NOS1AP: variants seen among roughly 807,000 people sequenced by gnomAD.
NOS1AP encodes nitric oxide synthase 1 adaptor protein, also known as carboxyl-terminal PDZ ligand of neuronal nitric oxide synthase protein.
NOS1AP carries 21 observed loss-of-function variants against 56.2 expected under a neutral mutation model. That is an observed-to-expected ratio of 0.37 (90% CI 0.26 to 0.54). NOS1AP has a LOEUF of 0.54. NOS1AP is among the 20% of genes least tolerant of loss of function. NOS1AP has a pLI of 0.84. For synonymous variants in NOS1AP, 270 were observed against 274.6 expected (o/e 0.98, Z 0.17); for missense variants, 522 against 657.8 (o/e 0.79, Z 2.26).
intron 5 of NOS1AP, among the ~76,000 whole-genome samples, chr1:162,341,252 A>G (rs1413093793): frequency 6.6e-6 from 1 of 152,222 alleles, no homozygotes; most frequent in Non-Finnish European, 1.5e-5. Flanking sequence ...AATTTGTAAC[A>G]CGTCCTCCTT....
At chr1:162,347,026 T>G (rs368918580) in intron 6 of NOS1AP, among the ~76,000 whole-genome samples, 4 of 152,324 alleles carry the variant, frequency 2.6e-5, no homozygotes, top group East Asian at 1.9e-4. Context: ...TTGGCGAATA[T>G]TTTATATATC....
Position 162,220,860 on chromosome 1 carries a change from C to T in NOS1AP, c.177+66384C>T, listed in dbSNP as rs372645516. Among the ~76,000 whole-genome samples, 40 of 152,248 alleles carry T rather than the reference C, an allele frequency of 2.6e-4. No individual in the cohort carries two copies. In the South Asian group the frequency reaches 7.1e-3, roughly 27 times the overall value. ...ATATGATCTACCATATAAATATGTT[C>T]ATTAGATGATGAGTCTTACTATCCA... On this transcript the variant is annotated intron_variant, in intron 2 of 9. Coordinates refer to ENST00000361897, the MANE Select transcript of NOS1AP (RefSeq NM_014697.3).
At chr1:162,110,445 C>T (rs138396975) in intron 1 of NOS1AP, among the ~76,000 whole-genome samples, 63 of 152,184 alleles carry the variant, frequency 4.1e-4, no homozygotes, top group Admixed American at 2.3e-3. Flanking sequence ...ACATGCACCA[C>T]GTTATTTGTT....
intron 1 of NOS1AP, among the ~76,000 whole-genome samples, chr1:162,102,047 C>G (rs1647296583): frequency 6.6e-6 from 1 of 152,096 alleles, no homozygotes; most frequent in Non-Finnish European, 1.5e-5. Flanking sequence ...ATGCTTCTAG[C>G]TTTTGCCATT....
At chr1:162,215,781 T>C (rs1052563864) in intron 2 of NOS1AP, among the ~76,000 whole-genome samples, 1 of 152,246 alleles carries the variant, frequency 6.6e-6, no homozygotes, top group Non-Finnish European at 1.5e-5. Context: ...GTTGTGATGA[T>C]GTCGAATTCT....
At chr1:162,107,712 G>T (rs947534967) in intron 1 of NOS1AP, among the ~76,000 whole-genome samples, 19 of 152,238 alleles carry the variant, frequency 1.2e-4, no homozygotes, top group Admixed American at 1.1e-3. Flanking sequence ...TGTGTATTGA[G>T]CTGGTTAGCA....
chr1:162,259,792 G>A (rs947997866), intron 2 of NOS1AP, among the ~76,000 whole-genome samples: 1 of 152,102 alleles, frequency 6.6e-6, no homozygotes, highest in African/African-American at 2.4e-5. Flanking sequence ...ATTTTAATCT[G>A]GCTTACATAA....
rs164152 is a variant in NOS1AP at position 162,369,313 on chromosome 1, C to T, written c.*1846C>T. The T allele has an allele frequency of 0.33, 50,238 of 152,060 alleles. 8,518 individuals carry two copies. Among genetic ancestry groups the T allele is most frequent in the Middle Eastern group, 0.44 (128 of 294 alleles). The allele number at this position is 152,060 out of a possible 1,614,324, so 9.4% of individuals were successfully genotyped here. On this transcript the variant is annotated 3_prime_UTR_variant, in exon 10 of 10. Transcript: ENST00000361897. ...TACAGTTACACAGAGAAGGAAGAAC[C>T]AGGAAAGTGAGATCCATGAAACTAA...
intron 3 of NOS1AP, among the ~76,000 whole-genome samples, chr1:162,289,209 T>TTTCCTTCC (rs752673036): frequency 3.0e-5 from 3 of 99,592 alleles, no homozygotes; most frequent in South Asian, 4.0e-4. Context: ...CCTTCCTTCC[T>TTTCCTTCC]TTCCTTCCTT....
Position 162,370,352 on chromosome 1 carries a change from G to A in NOS1AP, c.*2885G>A, listed in dbSNP as rs1371389186. 2 of 152,188 alleles carry A rather than the reference G, an allele frequency of 1.3e-5. No individual in the cohort carries two copies. Among genetic ancestry groups the A allele is most frequent in the Admixed American group, 1.3e-4 (2 of 15,272 alleles). 9.4% of individuals were successfully genotyped at this position (152,188 alleles called of 1,614,324 possible). On this transcript the variant is annotated 3_prime_UTR_variant, in exon 10 of 10. Transcript: ENST00000361897. ...CACTAGCACTCTACTTCCTAAAGCT[G>A]TTGTGTCATTAACTCTGTTGGATCA...
At chr1:162,280,782 G>A (rs1382239087) in intron 2 of NOS1AP, among the ~76,000 whole-genome samples, 3 of 152,098 alleles carry the variant, frequency 2.0e-5, no homozygotes, top group Non-Finnish European at 4.4e-5. Flanking sequence ...AGTCATGCTG[G>A]GATTGAGGTA....
At chr1:162,124,792 G>C (rs1200920375) in intron 1 of NOS1AP, among the ~76,000 whole-genome samples, 1 of 152,012 alleles carries the variant, frequency 6.6e-6, no homozygotes, top group Non-Finnish European at 1.5e-5. Context: ...CAAAGTGCTG[G>C]GATTACAGGC....
At chr1:162,144,656 C>T (rs867959553) in intron 1 of NOS1AP, among the ~76,000 whole-genome samples, 42 of 152,254 alleles carry the variant, frequency 2.8e-4, no homozygotes, top group Middle Eastern at 6.8e-3. Flanking sequence ...AAAGTGCTGC[C>T]GGCCCAGGGT....
At chr1:162,288,852 C>G (rs1359052646) in intron 3 of NOS1AP, among the ~76,000 whole-genome samples, 1 of 152,062 alleles carries the variant, frequency 6.6e-6, no homozygotes, top group Non-Finnish European at 1.5e-5. Context: ...GTGCATGGGC[C>G]CCATCTTGTT....
chr1:162,118,230 G>A (rs1258314644), intron 1 of NOS1AP, among the ~76,000 whole-genome samples: 4 of 152,122 alleles, frequency 2.6e-5, no homozygotes, highest in Admixed American at 2.0e-4. Context: ...CCAACAGATG[G>A]TTCTTCAGCC....
intron 2 of NOS1AP, among the ~76,000 whole-genome samples, chr1:162,237,388 C>T (rs1653333184): frequency 1.3e-5 from 2 of 152,190 alleles, no homozygotes; most frequent in South Asian, 4.1e-4. Context: ...AATTTGATTT[C>T]CAGCCCTCTG....
intron 1 of NOS1AP, among the ~76,000 whole-genome samples, chr1:162,072,476 G>T (rs1691680077): frequency 6.6e-6 from 1 of 152,172 alleles, no homozygotes; most frequent in African/African-American, 2.4e-5. Context: ...AGGCAGTGGT[G>T]GTCAGTGAAA....
At chr1:162,365,336 T>C (rs747752699) in intron 8 of NOS1AP, 68 bp from the exon 9 acceptor site, 28 of 1,608,620 alleles carry the variant, frequency 1.7e-5, no homozygotes, top group Non-Finnish European at 2.3e-5. Context: ...TGCCAGTGAC[T>C]CTCATGTGCA....
At chr1:162,313,942 C>T (rs1177101018) in intron 4 of NOS1AP, among the ~76,000 whole-genome samples, 3 of 152,184 alleles carry the variant, frequency 2.0e-5, no homozygotes, top group African/African-American at 7.2e-5. Context: ...TTAGCATGAA[C>T]TCCATGAGGG....
Sources: allele counts gnomAD v4.1 joint callset (sites outside exome capture counted in the v4.1 genomes callset), GRCh38; gene constraint gnomAD v4.1.1; transcripts MANE v1.5; gene names NCBI Gene and HGNC (gene_info 2026-07-23, HGNC 2026-07-21).